The following DBF4B variants were observed in gnomAD, a reference collection of about 807,000 sequenced individuals.
The protein encoded by DBF4B is DBF4B-CDC7 kinase regulatory subunit.
In DBF4B, 49 loss-of-function variants were observed where a neutral mutation model predicts 53.4. The observed-to-expected ratio is 0.92, with a 90% CI of 0.73 to 1.16. The LOEUF is 1.16. DBF4B is among the 50% of genes most tolerant of loss of function. The pLI is 0.00. For synonymous variants in DBF4B, 257 were observed against 288.7 expected (o/e 0.89, Z 1.11); for missense variants, 692 against 775.0 (o/e 0.89, Z 1.27).
intron 7 of DBF4B, 70 bp from the exon 8 acceptor site, chr17:44,736,760 C>T (rs1255094962): frequency 3.2e-6 from 5 of 1,571,088 alleles, no homozygotes; most frequent in Non-Finnish European, 4.4e-6. Flanking sequence ...AGCCACTTGG[C>T]TTATCAGGCC....
chr17:44,747,751 T>A (rs1019898592), intron 12 of DBF4B, among the ~76,000 whole-genome samples: 8 of 152,186 alleles, frequency 5.3e-5, no homozygotes, highest in African/African-American at 1.9e-4. Flanking sequence ...ACACTGTGGC[T>A]CCCTTCCAAC....
intron 8 of DBF4B, among the ~76,000 whole-genome samples, chr17:44,737,885 A>G (rs1250294767): frequency 6.6e-6 from 1 of 152,174 alleles, no homozygotes; most frequent in Non-Finnish European, 1.5e-5. Context: ...CAAAAAACCC[A>G]GGGTCCTCCT....
chr17:44,723,107 C>G (rs1316783979), intron 3 of DBF4B, 85 bp downstream of exon 3: 1 of 1,534,972 alleles, frequency 6.5e-7, no homozygotes, highest in Non-Finnish European at 8.8e-7. Flanking sequence ...TCTATGGTTT[C>G]CAAGTATTTT....
chr17:44,715,529 T>A (rs1384747300), intron 2 of DBF4B, among the ~76,000 whole-genome samples: 2 of 152,004 alleles, frequency 1.3e-5, no homozygotes, highest in African/African-American at 4.8e-5. Flanking sequence ...ATTTTGCATC[T>A]GTCTTTCATT....
chr17:44,733,426 G>C (rs1438747165), intron 6 of DBF4B, among the ~76,000 whole-genome samples: 2 of 152,184 alleles, frequency 1.3e-5, no homozygotes, highest in African/African-American at 2.4e-5. Context: ...CACTAGAATA[G>C]TTGTCTTGAA....
Position 44,749,126 on chromosome 17 carries a change from C to T in DBF4B, c.1189+661C>T, listed in dbSNP as rs1315890786. The T allele has an allele frequency of 7.0e-6, 9 of 1,289,674 alleles. No individual in the cohort carries two copies. Among genetic ancestry groups the T allele is most frequent in the Admixed American group, 2.3e-5 (1 of 43,570 alleles). The allele number at this position is 1,289,674 out of a possible 1,614,324, so 79.9% of individuals were successfully genotyped here. ...TACTCAGCTACCAGTGTGCAGCCCTCGGGAGCACCTGTAGAGAGCAGGTCT... is the reference window on the plus strand; with the variant it reads ...TACTCAGCTACCAGTGTGCAGCCCTTGGGAGCACCTGTAGAGAGCAGGTCT... On this transcript the variant is annotated intron_variant, in intron 13 of 13. Coordinates refer to ENST00000315005, the MANE Select transcript of DBF4B (RefSeq NM_145663.3). This position sits in a 1 kb window ranked among gnomAD's most constrained non-coding sequence, Gnocchi z 4.4.
intron 2 of DBF4B, among the ~76,000 whole-genome samples, chr17:44,718,467 C>G (rs1223931868): frequency 6.6e-6 from 1 of 150,976 alleles, no homozygotes; most frequent in Admixed American, 6.6e-5. Context: ...AATTATATCT[C>G]GTTAGTCTCC....
At chr17:44,723,851 C>G (rs977381566) in intron 3 of DBF4B, among the ~76,000 whole-genome samples, 2 of 152,160 alleles carry the variant, frequency 1.3e-5, no homozygotes. Flanking sequence ...TGGCTCATGA[C>G]TGTCCTCCCA....
chr17:44,733,812 A>C (rs1339543512), intron 6 of DBF4B: 2 of 422,178 alleles, frequency 4.7e-6, no homozygotes, highest in Non-Finnish European at 8.7e-6. Flanking sequence ...TAAAGTCCTT[A>C]GCAAGCCATG....
At chr17:44,725,285 G>A (rs1974210203) in intron 3 of DBF4B, among the ~76,000 whole-genome samples, 1 of 152,116 alleles carries the variant, frequency 6.6e-6, no homozygotes, top group African/African-American at 2.4e-5. Context: ...GCAAGACCAT[G>A]TCTCAAAAAT....
At chr17:44,744,952 AT>A (rs1449084943) in intron 10 of DBF4B, among the ~76,000 whole-genome samples, 1 of 152,154 alleles carries the variant, frequency 6.6e-6, no homozygotes. Flanking sequence ...CCCTTCTCAT[AT>A]TAGAAAAATG....
At chr17:44,744,337 G>A (rs1201447988) in intron 10 of DBF4B, among the ~76,000 whole-genome samples, 3 of 151,874 alleles carry the variant, frequency 2.0e-5, no homozygotes, top group Non-Finnish European at 4.4e-5. Context: ...GCTTAAGCAT[G>A]GGAAGCAGAG....
intron 8 of DBF4B, 42 bp from the exon 9 acceptor site, chr17:44,738,337 G>A: frequency 6.2e-7 from 1 of 1,603,856 alleles, no homozygotes; most frequent in South Asian, 1.1e-5. Flanking sequence ...GCCCTGCACA[G>A]GGGCAGACAG....
At chr17:44,747,802 G>A (rs1233088557) in intron 12 of DBF4B, among the ~76,000 whole-genome samples, 1 of 152,176 alleles carries the variant, frequency 6.6e-6, no homozygotes, top group Non-Finnish European at 1.5e-5. Context: ...TTCTGGCCAG[G>A]GAGCAGGGGG....
intron 13 of DBF4B, chr17:44,748,810 A>C (rs546097777): frequency 7.7e-7 from 1 of 1,299,088 alleles, no homozygotes; most frequent in African/African-American, 1.5e-5. Context: ...CACCAGGACA[A>C]CTAGTGGCAA....
At chr17:44,719,005 TTGCC>T in intron 2 of DBF4B, 1 of 150,852 alleles carries the variant, frequency 6.6e-6, no homozygotes, top group Non-Finnish European at 1.5e-5. Context: ...TCTTGTTCTG[TTGCC>T]AGACTAGAGT....
At chr17:44,750,486 A>G (rs2049253352) in intron 13 of DBF4B, 109 bp from the exon 14 acceptor site, 4 of 1,489,270 alleles carry the variant, frequency 2.7e-6, no homozygotes, top group Admixed American at 2.3e-5. Context: ...CCTTCCTGTT[A>G]AATTTTACAA....
At chr17:44,721,192 T>C (rs1037903132) in intron 2 of DBF4B, among the ~76,000 whole-genome samples, 3 of 151,364 alleles carry the variant, frequency 2.0e-5, no homozygotes, top group Non-Finnish European at 4.4e-5. Context: ...ATGTTTTTCA[T>C]GTCCATTATC....
intron 10 of DBF4B, among the ~76,000 whole-genome samples, chr17:44,741,738 T>C (rs770854808): frequency 5.9e-5 from 9 of 152,222 alleles, no homozygotes; most frequent in Non-Finnish European, 1.0e-4. Flanking sequence ...GTTAATTCAC[T>C]GCTGAGATAC....
Sources: gnomAD v4.1 joint callset for allele counts (sites outside exome capture counted in the v4.1 genomes callset) on GRCh38, gnomAD v4.1.1 for gene constraint, Gnocchi (gnomAD v3.1) non-coding constraint, MANE v1.5 for transcripts, NCBI Gene and HGNC (gene_info 2026-07-23, HGNC 2026-07-21) for gene names.